CAB39L: variants seen among roughly 807,000 people sequenced by gnomAD.
CAB39L encodes the protein calcium binding protein 39 like, also known as calcium-binding protein 39-like.
In CAB39L, 23 loss-of-function variants were observed where a neutral mutation model predicts 39.1. The ratio of observed to expected loss-of-function variants is 0.59; its 90% confidence interval spans 0.42 to 0.83. The LOEUF is 0.83. Ranked by LOEUF, CAB39L falls within the 40% of genes least tolerant of loss-of-function variation. The pLI, the probability that CAB39L is intolerant of heterozygous loss-of-function variation, is 0.00. For synonymous variants in CAB39L, 126 were observed against 137.2 expected, an observed-to-expected ratio of 0.92 and a Z score of 0.57; for missense variants, 366 against 391.9, an observed-to-expected ratio of 0.93 and a Z score of 0.56.
chr13:49,322,985 G>A (rs780427851), intron 10 of CAB39L, among the ~76,000 whole-genome samples: 42 of 152,282 alleles, frequency 2.8e-4, no homozygotes, highest in Non-Finnish European at 5.4e-4. Flanking sequence ...AAATTTCTCT[G>A]TCAGTCTTCT....
chr13:49,339,095 G>A (rs184619590), intron 9 of CAB39L, among the ~76,000 whole-genome samples: 1 of 151,058 alleles, frequency 6.6e-6, no homozygotes, highest in Non-Finnish European at 1.5e-5. Flanking sequence ...AAAACTTAGA[G>A]GGAAGGTTTA....
chr13:49,442,787 CAAAAAAAAAAAA>C (rs71078844), intron 1 of CAB39L, among the ~76,000 whole-genome samples: 96 of 103,664 alleles, frequency 9.3e-4, no homozygotes, highest in Admixed American at 1.4e-3. Flanking sequence ...GACTCCATCT[CAAAAAAAAAAAA>C]AAAAAAAAAA....
intron 1 of CAB39L, among the ~76,000 whole-genome samples, chr13:49,436,537 ATTTC>A (rs1220893156): frequency 7.1e-5 from 8 of 111,980 alleles, no homozygotes; most frequent in South Asian, 6.0e-4. Flanking sequence ...ATTTAGCTTC[ATTTC>A]TTTCTTTATG....
chr13:49,408,014 A>G (rs1956918546), intron 3 of CAB39L, among the ~76,000 whole-genome samples: 2 of 152,182 alleles, frequency 1.3e-5, no homozygotes, highest in Admixed American at 6.6e-5. Context: ...TAATTTGCGG[A>G]CAAAACAGGC....
intron 3 of CAB39L, among the ~76,000 whole-genome samples, chr13:49,411,999 T>G (rs1956999816): frequency 6.6e-6 from 1 of 152,148 alleles, no homozygotes; most frequent in Admixed American, 6.5e-5. Context: ...CTGGACTCTC[T>G]TCCCTGTATG....
At chr13:49,427,343 C>A (rs1957259848) in intron 3 of CAB39L, among the ~76,000 whole-genome samples, 1 of 152,110 alleles carries the variant, frequency 6.6e-6, no homozygotes, top group South Asian at 2.1e-4. Flanking sequence ...AATGTCCATT[C>A]ACCTTTCATC....
intron 3 of CAB39L, among the ~76,000 whole-genome samples, chr13:49,397,454 A>G (rs976872501): frequency 2.8e-4 from 42 of 152,146 alleles, no homozygotes; most frequent in African/African-American, 9.4e-4. Flanking sequence ...AAACTCTTTT[A>G]TAAGAGAAAC....
intron 3 of CAB39L, among the ~76,000 whole-genome samples, chr13:49,412,365 TAAA>T (rs3035439): frequency 0.18 from 27,600 of 150,292 alleles, 2,570 homozygotes; most frequent in Middle Eastern, 0.2. Flanking sequence ...CTTTGCCATT[TAAA>T]AAAAAAAAAA....
intron 3 of CAB39L, among the ~76,000 whole-genome samples, chr13:49,384,774 A>G (rs1442207514): frequency 1.3e-5 from 2 of 152,204 alleles, no homozygotes; most frequent in Non-Finnish European, 2.9e-5. Flanking sequence ...ATGATGAGGT[A>G]CATTGTCAAT....
chr13:49,399,173 T>C (rs1046213658), intron 3 of CAB39L, among the ~76,000 whole-genome samples: 2 of 152,108 alleles, frequency 1.3e-5, no homozygotes, highest in Non-Finnish European at 2.9e-5. Context: ...GCAATAACTA[T>C]TATCAGGTAC....
At chr13:49,350,698 C>T (rs1955319316) in intron 7 of CAB39L, 46 bp downstream of exon 7, 1 of 1,413,524 alleles carries the variant, frequency 7.1e-7, no homozygotes, top group Non-Finnish European at 9.5e-7. Flanking sequence ...CTTCAGGGGC[C>T]AAGTGACTAT....
In CAB39L at chr13:49,438,484, G is replaced by A. The variant is rs548619579; in HGVS notation, c.-245-4261C>T. 1.6e-4 allele frequency among the ~76,000 whole-genome samples: 24 copies of A among 152,204 alleles called. No individual in the cohort carries two copies. The South Asian group carries it at 4.8e-3, about 30-fold the overall frequency. ...TTGTTCTCTAGTATACGCTTCAGAAGGATTCATGGGAACAATTATAGCCAT... is the reference window on the plus strand; with the variant it reads ...TTGTTCTCTAGTATACGCTTCAGAAAGATTCATGGGAACAATTATAGCCAT... On this transcript the variant is annotated intron_variant, in intron 1 of 10. Coordinates refer to ENST00000409308, the MANE Select transcript of CAB39L (RefSeq NM_001079670.3).
At chr13:49,334,771 C>T (rs1023736237) in intron 9 of CAB39L, among the ~76,000 whole-genome samples, 4 of 152,302 alleles carry the variant, frequency 2.6e-5, no homozygotes, top group African/African-American at 9.6e-5. Context: ...AGATTGCAAA[C>T]AGACAAAACT....
chr13:49,388,667 T>A (rs189870455), intron 3 of CAB39L, among the ~76,000 whole-genome samples: 34 of 152,230 alleles, frequency 2.2e-4, no homozygotes, highest in African/African-American at 7.9e-4. Context: ...CAGAAATAGT[T>A]CTTGAAAAGG....
At chr13:49,440,385 C>G (rs575135447) in intron 1 of CAB39L, among the ~76,000 whole-genome samples, 1 of 152,186 alleles carries the variant, frequency 6.6e-6, no homozygotes, top group East Asian at 1.9e-4. Context: ...TTCCTTTTGT[C>G]AATTTTGTTG....
intron 5 of CAB39L, among the ~76,000 whole-genome samples, chr13:49,368,280 G>A (rs987610740): frequency 6.6e-6 from 1 of 152,188 alleles, no homozygotes; most frequent in African/African-American, 2.4e-5. Flanking sequence ...GGCAAAGGAA[G>A]CCCCCTGTGG....
chr13:49,370,744 T>C (rs1955896929), intron 5 of CAB39L, among the ~76,000 whole-genome samples: 1 of 152,214 alleles, frequency 6.6e-6, no homozygotes, highest in African/African-American at 2.4e-5. Flanking sequence ...AAACTAATGG[T>C]CACTGTCTTA....
rs113987600 is a variant in CAB39L at position 49,333,636 on chromosome 13, A to G, written c.691-1546T>C. ...GCCCAGGCTGGAGTGCAGTGGCGCG[A>G]TCTCGGCTCACTGCAAGCTCCACCT... On this transcript the variant is annotated intron_variant, in intron 9 of 10. Transcript: ENST00000409308. Among the ~76,000 whole-genome samples the G allele has an allele frequency of 5.5e-3, 744 of 135,464 alleles. 4 individuals are homozygous for G. The highest frequency in any genetic ancestry group is 0.02 in the African/African-American group (697 of 34,754). 88.9% of individuals were successfully genotyped at this position (135,464 alleles called of 152,430 possible). A position where few individuals can be genotyped will look rare whatever the true frequency, so the allele number is the denominator to read the frequency against.
intron 3 of CAB39L, among the ~76,000 whole-genome samples, chr13:49,414,946 C>A (rs1957054691): frequency 6.6e-6 from 1 of 152,090 alleles, no homozygotes; most frequent in African/African-American, 2.4e-5. Flanking sequence ...TTAATCCCAG[C>A]ACTTTGGGAG....
Sources: allele counts gnomAD v4.1 joint callset (sites outside exome capture counted in the v4.1 genomes callset), GRCh38; gene constraint gnomAD v4.1.1; transcripts MANE v1.5; gene names NCBI Gene and HGNC (gene_info 2026-07-23, HGNC 2026-07-21).